Variants in ZNF142 observed in about 807,000 individuals in gnomAD.
ZNF142 encodes zinc finger protein 142.
A neutral mutation model predicts 132.1 loss-of-function variants in ZNF142; 96 were observed. That is an observed-to-expected ratio of 0.73 (90% CI 0.62 to 0.86). ZNF142 has a LOEUF of 0.86. ZNF142 is among the 40% of genes least tolerant of loss of function. The pLI is 0.00. For missense variants in ZNF142, 2,163 were observed against 2,336.2 expected (o/e 0.93, Z 1.53); for synonymous variants, 842 against 890.1 (o/e 0.95, Z 0.96).
rs757015243 is a variant in ZNF142, at chr2:218,638,502, A to T, written c.5501T>A (p.Phe1834Tyr). ...RLCNYKAKQK[F>Y]QVVKHVRRHH... is the part of the protein sequence containing the mutation. ...CCTGCGTACGTGCTTGACCACCTGG[A>T]ACTTTTGCTTGGCCTTGTAGTTGCA... Residue 1834 changes from phenylalanine (F) to tyrosine (Y), a missense_variant, in exon 11 of 11, where the codon TTC becomes TAC. Around this residue, in one of 7 missense-constraint regions of ZNF142, gnomAD observed 325 missense variants for 367.8 expected, o/e 0.88. Coordinates refer to ENST00000411696, the MANE Select transcript of ZNF142 (RefSeq NM_001379659.1). The T allele has an allele frequency of 1.9e-6, 3 of 1,606,412 alleles. No homozygotes were observed. The South Asian group carries it at 3.3e-5, about 18-fold the overall frequency.
Position 218,642,526 on chromosome 2 carries a change from A to C in ZNF142, c.4590T>G (p.Cys1530Trp). 3 of 1,609,372 alleles carry C rather than the reference A, an allele frequency of 1.9e-6. No homozygotes were observed. The highest frequency in any genetic ancestry group is 2.5e-6 in the Non-Finnish European group (3 of 1,177,040). ...TGGGGCACAGCAACCCACAGCGGGAACAGTGCAGGGGGCCCTCAGTGGTCT... is the reference window on the plus strand; with the variant it reads ...TGGGGCACAGCAACCCACAGCGGGACCAGTGCAGGGGGCCCTCAGTGGTCT... ...PAETTEGPLH[C>W]SRCGLLCPSP... Residue 1530 changes from cysteine (C) to tryptophan (W), a missense_variant, in exon 9 of 11, where the codon TGT (cysteine) becomes TGG (tryptophan). Coordinates refer to ENST00000411696, the MANE Select transcript of ZNF142 (RefSeq NM_001379659.1). The surrounding 1 kb of genome is among the most constrained non-coding windows in gnomAD (Gnocchi z 4.6).
chr2:218,651,607 T>G, intron 5 of ZNF142, 94 bp downstream of exon 5: 3 of 1,182,726 alleles, frequency 2.5e-6, no homozygotes, highest in Non-Finnish European at 3.2e-6. Context: ...CTTATATTCA[T>G]GTACATTCAT....
Position 218,635,864 on chromosome 2 carries a change from G to GA in ZNF142, c.*2474dup. 1.2e-6 allele frequency: 2 copies of GA among 1,613,994 alleles called. No individual in the cohort carries two copies. Among genetic ancestry groups the GA allele is most frequent in the South Asian group, 2.2e-5 (2 of 91,082 alleles). ...AGGGGTCCATTGTGGATCCACTGGT[G>GA]AAAGTGCAGATCTTTGGCGTTCGTC... On this transcript the variant is annotated 3_prime_UTR_variant, in exon 11 of 11. Coordinates refer to ENST00000411696, the MANE Select transcript of ZNF142 (RefSeq NM_001379659.1).
At chr2:218,640,452 A>G (rs1482950273) in intron 10 of ZNF142, among the ~76,000 whole-genome samples, 1 of 152,210 alleles carries the variant, frequency 6.6e-6, no homozygotes, top group Non-Finnish European at 1.5e-5. Flanking sequence ...TGGAAAGTAC[A>G]TATGCCCAGG....
intron 4 of ZNF142, among the ~76,000 whole-genome samples, chr2:218,653,858 G>A (rs1938242871): frequency 6.6e-6 from 1 of 152,174 alleles, no homozygotes; most frequent in Non-Finnish European, 1.5e-5. Context: ...TTTTTTGGCT[G>A]GTGGTGGGGG....
In ZNF142 at chr2:218,642,043, A is replaced by G; in HGVS notation, c.5073T>C (p.Asp1691=). 1 of 1,613,932 alleles carries G rather than the reference A, an allele frequency of 6.2e-7. No homozygotes were observed. The highest frequency in any genetic ancestry group is 8.5e-7 in the Non-Finnish European group (1 of 1,179,854). The change falls in exon 9 of 11, where the codon GAT becomes GAC. Residue 1691 remains aspartate, a synonymous_variant. Coordinates refer to ENST00000411696, the MANE Select transcript of ZNF142 (RefSeq NM_001379659.1). This position sits in a 1 kb window ranked among gnomAD's most constrained non-coding sequence, Gnocchi z 4.6. Reference sequence around the variant, plus strand: ...CTGACATTACCTTGAGACGAGAGGGATCAGCACAGGCATAGGGGCAGAGGT... The same window carrying G: ...CTGACATTACCTTGAGACGAGAGGGGTCAGCACAGGCATAGGGGCAGAGGT... The part of the protein sequence containing the change: ...HCHLCPYACA[D]PSRLKYHMRI...
In ZNF142 at chr2:218,633,964, CAGAGT is replaced by C. The variant is rs1037963196; in HGVS notation, c.*4370_*4374del. On this transcript the variant is annotated 3_prime_UTR_variant, in exon 11 of 11. Transcript: ENST00000411696. Reference sequence around the variant, plus strand: ...GGGCAGGAAAGCTGGTCTGGATGGACAGAGTAGAGAGGCACAGTGAAACTTTCTGG... The same window carrying C: ...GGGCAGGAAAGCTGGTCTGGATGGACAGAGAGGCACAGTGAAACTTTCTGG... The C allele has an allele frequency of 2.2e-4, 285 of 1,273,284 alleles. 3 individuals carry two copies. The highest frequency in any genetic ancestry group is 6.0e-5 in the African/African-American group (4 of 66,974). The allele number at this position is 1,273,284 out of a possible 1,614,324, so 78.9% of individuals were successfully genotyped here.
Position 218,648,727 on chromosome 2 carries a change from A to C in ZNF142, c.1781T>G (p.Met594Arg), listed in dbSNP as rs924879928. The C allele has an allele frequency of 1.2e-6, 2 of 1,614,128 alleles. No individual in the cohort carries two copies. Among genetic ancestry groups the C allele is most frequent in the African/African-American group, 1.3e-5 (1 of 74,942 alleles). ...CTGGTGGATCTTTTCATGAGCATGCATCTTGCCTACATGATCCTGGTAAGC... is the reference window on the plus strand; with the variant it reads ...CTGGTGGATCTTTTCATGAGCATGCCTCTTGCCTACATGATCCTGGTAAGC... ...PVAYQDHVGK[M>R]HAHEKIHQCP... Residue 594 changes from methionine to arginine, a missense_variant, in exon 7 of 11, where the codon ATG (methionine) becomes AGG (arginine). Met to Arg is a moderately conservative substitution (Grantham distance 91). Coordinates refer to ENST00000411696, the MANE Select transcript of ZNF142 (RefSeq NM_001379659.1).
rs200461087 is a variant in ZNF142 at position 218,643,025 on chromosome 2, G to T, written c.4091C>A (p.Ala1364Asp). 42 of 1,601,852 alleles carry T rather than the reference G, an allele frequency of 2.6e-5. No individual in the cohort carries two copies. In the African/African-American group the frequency reaches 5.1e-4, roughly 19 times the overall value. The change falls in exon 9 of 11, where the codon GCC (alanine) becomes GAC (aspartate). Residue 1364 changes from alanine to aspartate, a missense_variant. Ala to Asp is a moderately radical substitution (Grantham distance 126). Transcript: ENST00000411696. Reference protein sequence around the residue: ...QKRRHPTAAPARGPRPHLQCG... With the variant: ...QKRRHPTAAPDRGPRPHLQCG... ...CTGTAGATGGGGCCGGGGCCCACGG[G>T]CTGGGGCTGCAGTGGGGTGCCTCCG...
Position 218,649,074 on chromosome 2 carries a change from T to G in ZNF142, c.1434A>C (p.Ala478=). ...GAAGGGGTAATGGCTCTGCTGCGGC[T>G]GCTGCCGTGTGGCTCTTGAGGTGCT... ...LKEHLKSHTA[A]AAAEPLPLRC... Residue 478 remains alanine, a synonymous_variant, in exon 7 of 11, where the codon GCA becomes GCC. Transcript: ENST00000411696. 1 of 1,613,916 alleles carries G rather than the reference T, an allele frequency of 6.2e-7. No individual in the cohort carries two copies. Among genetic ancestry groups the G allele is most frequent in the Non-Finnish European group, 8.5e-7 (1 of 1,180,056 alleles).
rs1246638473 is a variant in ZNF142 at position 218,636,989 on chromosome 2, C to T, written c.*1350G>A. Reference sequence around the variant, plus strand: ...GAAGCATCATCCCCTCCATCCCCAACTTCCTCAAAGCCCAAAGCCAAGGGA... The same window carrying T: ...GAAGCATCATCCCCTCCATCCCCAATTTCCTCAAAGCCCAAAGCCAAGGGA... On this transcript the variant is annotated 3_prime_UTR_variant, in exon 11 of 11. Coordinates refer to ENST00000411696, the MANE Select transcript of ZNF142 (RefSeq NM_001379659.1). 2.2e-6 allele frequency: 1 copy of T among 449,258 alleles called. No individual in the cohort carries two copies. The highest frequency in any genetic ancestry group is 4.5e-6 in the Non-Finnish European group (1 of 224,064). 27.8% of individuals were successfully genotyped at this position (449,258 alleles called of 1,614,324 possible).
In ZNF142 at chr2:218,633,905, C is replaced by A; in HGVS notation, c.*4434G>T. On this transcript the variant is annotated 3_prime_UTR_variant, in exon 11 of 11. Coordinates refer to ENST00000411696, the MANE Select transcript of ZNF142 (RefSeq NM_001379659.1). ...AGAAACTCCTTAGAGCAGACAAGGG[C>A]AGAGGAGTTATGAATAGTGGCTCAA... 1 of 1,230,532 alleles carries A rather than the reference C, an allele frequency of 8.1e-7. No homozygotes were observed. The highest frequency in any genetic ancestry group is 1.1e-6 in the Non-Finnish European group (1 of 873,650). 76.2% of individuals were successfully genotyped at this position (1,230,532 alleles called of 1,614,324 possible). A position where few individuals can be genotyped will look rare whatever the true frequency, so the allele number is the denominator to read the frequency against.
At position 218,642,777 on chromosome 2, in the gene ZNF142, G is replaced by A. The variant is rs1030661078; in HGVS notation, c.4339C>T (p.Arg1447Trp). The change falls in exon 9 of 11, where the codon CGG becomes TGG. Residue 1447 changes from arginine (R) to tryptophan (W), a missense_variant. Physicochemically the swap from Arg to Trp is moderately radical, Grantham distance 101. Coordinates refer to ENST00000411696, the MANE Select transcript of ZNF142 (RefSeq NM_001379659.1). This position sits in a 1 kb window ranked among gnomAD's most constrained non-coding sequence, Gnocchi z 4.6. Reference protein sequence around the residue: ...FGTNSKLRLHRLRVHDKTPTH... With the variant: ...FGTNSKLRLHWLRVHDKTPTH... ...GGTGTTTTGTCATGTACCCTTAACC[G>A]GTGCAAGCGCAGTTTCGAGTTGGTA... The A allele has an allele frequency of 1.1e-5, 17 of 1,614,078 alleles. No individual in the cohort carries two copies. The highest frequency in any genetic ancestry group is 5.3e-5 in the African/African-American group (4 of 74,936).
At position 218,638,036 on chromosome 2, in the gene ZNF142, G is replaced by A. The variant is rs1414822963; in HGVS notation, c.*303C>T. 3 of 289,026 alleles carry A rather than the reference G, an allele frequency of 1.0e-5. No individual in the cohort carries two copies. Among genetic ancestry groups the A allele is most frequent in the South Asian group, 1.6e-4 (1 of 6,182 alleles). The allele number at this position is 289,026 out of a possible 1,614,324, so 17.9% of individuals were successfully genotyped here. A position where few individuals can be genotyped will look rare whatever the true frequency, so the allele number is the denominator to read the frequency against. On this transcript the variant is annotated 3_prime_UTR_variant, in exon 11 of 11. Coordinates refer to ENST00000411696, the MANE Select transcript of ZNF142 (RefSeq NM_001379659.1). ...ACACAGTAAGAAGGAAAGAGAAGATGGAGTGGGTAAAATCCAGATCTTATA... is the reference window on the plus strand; with the variant it reads ...ACACAGTAAGAAGGAAAGAGAAGATAGAGTGGGTAAAATCCAGATCTTATA...
At chr2:218,647,431 A>AAAAAAAAAAAAAAAAAAAAAAAAC (rs1267446689) in intron 7 of ZNF142, among the ~76,000 whole-genome samples, 1 of 148,404 alleles carries the variant, frequency 6.7e-6, no homozygotes, top group Non-Finnish European at 1.5e-5. Flanking sequence ...TCAAAAAAAA[A>AAAAAAAAAAAAAAAAAAAAAAAAC]AAAAGCCTCC....
intron 10 of ZNF142, among the ~76,000 whole-genome samples, chr2:218,639,359 G>T (rs1696977569): frequency 6.6e-6 from 1 of 152,164 alleles, no homozygotes; most frequent in Admixed American, 6.5e-5. Flanking sequence ...AATGTTGTGG[G>T]TGCCCAATGG....
rs759972871 is a variant in ZNF142 at position 218,643,370 on chromosome 2, C to A, written c.3746G>T (p.Cys1249Phe). Residue 1249 changes from cysteine to phenylalanine, a missense_variant, in exon 9 of 11, where the codon TGC becomes TTC. Cys to Phe is a radical substitution (Grantham distance 205). This residue lies in a region of ZNF142 where 809 missense variants were observed against 801.7 expected (regional missense o/e 1.01). Coordinates refer to ENST00000411696, the MANE Select transcript of ZNF142 (RefSeq NM_001379659.1). Reference sequence around the variant, plus strand: ...TCCTCCCCCGCCACGTCCCCCCCTGCAGCCTTCAGCCACGTGAGAGGTAAT... The same window carrying A: ...TCCTCCCCCGCCACGTCCCCCCCTGAAGCCTTCAGCCACGTGAGAGGTAAT... ...SSITSHVAEG[C>F]RGGRGGGGKR... 2 of 1,614,212 alleles carry A rather than the reference C, an allele frequency of 1.2e-6. No individual in the cohort carries two copies. Among genetic ancestry groups the A allele is most frequent in the East Asian group, 4.5e-5 (2 of 44,882 alleles).
intron 3 of ZNF142, among the ~76,000 whole-genome samples, 160 bp downstream of exon 3, chr2:218,658,541 C>CAA (rs58087956): frequency 0.037 from 5,342 of 144,962 alleles, 309 homozygotes; most frequent in African/African-American, 0.13. Flanking sequence ...AACTCCGTCT[C>CAA]AAAAAAAAAA....
intron 5 of ZNF142, 71 bp from the exon 6 acceptor site, chr2:218,650,597 C>T (rs2106250965): frequency 2.9e-6 from 4 of 1,401,492 alleles, no homozygotes; most frequent in Non-Finnish European, 2.8e-6. Context: ...ACTTCTCTAC[C>T]TACTGGCTGA....
Sources: gnomAD v4.1 joint callset for allele counts (sites outside exome capture counted in the v4.1 genomes callset) on GRCh38, gnomAD v4.1.1 for gene constraint, gnomAD v4.1.1 regional missense constraint, Gnocchi (gnomAD v3.1) non-coding constraint, MANE v1.5 for transcripts, NCBI Gene and HGNC (gene_info 2026-07-23, HGNC 2026-07-21) for gene names.